OAS2: variants seen among roughly 807,000 people sequenced by gnomAD.
The protein encoded by OAS2 is 2'-5'-oligoadenylate synthase 2.
OAS2 carries 67 observed loss-of-function variants against 71.3 expected under a neutral mutation model. The ratio of observed to expected loss-of-function variants is 0.94; its 90% CI spans 0.77 to 1.15. The LOEUF is 1.15. OAS2 is among the 50% of genes most tolerant of loss of function. The pLI, the probability that OAS2 is intolerant of heterozygous loss-of-function variation, is 0.00. For missense variants in OAS2, 789 were observed against 822.5 expected (o/e 0.96, Z 0.50); for synonymous variants, 327 against 321.8 (o/e 1.02, Z -0.17).
At position 113,010,257 on chromosome 12, in the gene OAS2, T is replaced by C. The variant is rs1458023951; in HGVS notation, c.*1002T>C. 2 of 1,479,070 alleles carry C rather than the reference T, an allele frequency of 1.4e-6. No individual in the cohort carries two copies. The highest frequency in any genetic ancestry group is 2.8e-5 in the African/African-American group (2 of 70,604). 91.6% of individuals were successfully genotyped at this position (1,479,070 alleles called of 1,614,324 possible). A position where few individuals can be genotyped will look rare whatever the true frequency, so the allele number is the denominator to read the frequency against. The stretch of plus-strand genomic sequence containing the variant: ...ATTATAAATAAATACCAAAAAATTG[T>C]CTCTGGCAATAGTTACCTTCCCAGA... On this transcript the variant is annotated 3_prime_UTR_variant, in exon 10 of 10. Transcript: ENST00000392583.
intron 5 of OAS2, among the ~76,000 whole-genome samples, chr12:112,999,624 C>T (rs186362488): frequency 3.3e-5 from 5 of 152,288 alleles, no homozygotes; most frequent in East Asian, 3.9e-4. Flanking sequence ...AGGATCAGGA[C>T]GCTCTGAGCA....
chr12:112,997,816 T>G (rs2044249839), intron 4 of OAS2, 61 bp downstream of exon 4: 1 of 1,303,218 alleles, frequency 7.7e-7, no homozygotes. Flanking sequence ...GCATACCTCT[T>G]TGGAATGAGA....
At chr12:112,981,094 G>A (rs1298301) in intron 1 of OAS2, among the ~76,000 whole-genome samples, 24,303 of 152,016 alleles carry the variant, frequency 0.16, 2,417 homozygotes, top group East Asian at 0.41. Context: ...AGTTGTTCAC[G>A]TTCCTTGTAT....
intron 1 of OAS2, among the ~76,000 whole-genome samples, chr12:112,981,576 C>T (rs1053986837): frequency 6.6e-6 from 1 of 152,044 alleles, no homozygotes; most frequent in Non-Finnish European, 1.5e-5. Context: ...GTCTATATGT[C>T]TGTTTTTATA....
rs780629467 is a variant in OAS2, at chr12:113,005,076, C to G, written c.1322C>G (p.Ala441Gly). Residue 441 changes from alanine to glycine, a missense_variant, in exon 7 of 10, where the codon GCC (alanine) becomes GGC (glycine). Transcript: ENST00000392583. ...AAGGAAATCCATGAACAGCTGAAAG[C>G]CTTTTGGAGGGAGAAGGAGGAGGAG... ...IVKEIHEQLK[A>G]FWREKEEELE... The G allele has an allele frequency of 6.2e-7, 1 of 1,614,002 alleles. No individual in the cohort carries two copies. The highest frequency in any genetic ancestry group is 1.1e-5 in the South Asian group (1 of 91,082).
chr12:112,987,531 A>G (rs2044151011), intron 2 of OAS2: 1 of 1,412,444 alleles, frequency 7.1e-7, no homozygotes, highest in South Asian at 1.8e-5. Context: ...AATGTTCTGG[A>G]TTCTAGAATC....
At position 113,006,466 on chromosome 12, in the gene OAS2, G is replaced by C; in HGVS notation, c.1522G>C (p.Asp508His). ...PSPEVYAGLIDLYKSSDLPGG... is the reference protein window; with the variant it reads ...PSPEVYAGLIHLYKSSDLPGG... Reference sequence around the variant, plus strand: ...CCCCGAGGTTTATGCAGGGCTCATTGATCTGTATAAATCCTCGGACCTCCC... The same window carrying C: ...CCCCGAGGTTTATGCAGGGCTCATTCATCTGTATAAATCCTCGGACCTCCC... Residue 508 changes from aspartate (D) to histidine (H), a missense_variant, in exon 8 of 10, where the codon GAT becomes CAT. Transcript: ENST00000392583. 1 of 1,609,226 alleles carries C rather than the reference G, an allele frequency of 6.2e-7. No individual in the cohort carries two copies. The highest frequency in any genetic ancestry group is 8.5e-7 in the Non-Finnish European group (1 of 1,176,210).
At chr12:112,986,968 CCA>C (rs1191059541) in intron 1 of OAS2, 68 bp from the exon 2 acceptor site, 1 of 1,527,742 alleles carries the variant, frequency 6.5e-7, no homozygotes, top group Non-Finnish European at 8.8e-7. Flanking sequence ...TTGAGAAATA[CCA>C]CTGCCTGCTA....
chr12:113,000,983 A>G (rs1227575666), intron 5 of OAS2, among the ~76,000 whole-genome samples: 1 of 152,206 alleles, frequency 6.6e-6, no homozygotes, highest in Non-Finnish European at 1.5e-5. Context: ...CAATATTTGT[A>G]TAGAACAGTA....
In OAS2 at chr12:112,998,399, T is replaced by C; in HGVS notation, c.997T>C (p.Trp333Arg). The C allele has an allele frequency of 6.2e-7, 1 of 1,610,612 alleles. No homozygotes were observed. Among genetic ancestry groups the C allele is most frequent in the Non-Finnish European group, 8.5e-7 (1 of 1,179,122 alleles). ...GGATAATGAGTTACCTGCACCATCT[T>C]GGAATGTTCTGGTAAGAGGGTTTTC... ...NLDNELPAPS[W>R]NVLPAPLFTT... Residue 333 changes from tryptophan to arginine, a missense_variant, in exon 5 of 10, where the codon TGG becomes CGG. Transcript: ENST00000392583.
At chr12:113,002,853 GC>G in intron 5 of OAS2, 78 bp from the exon 6 acceptor site, 1 of 1,330,838 alleles carries the variant, frequency 7.5e-7, no homozygotes. Flanking sequence ...AGGGTAGGGG[GC>G]CCAGTACAGG....
chr12:112,988,590 T>C lies in OAS2; in HGVS notation c.448+1282T>C, dbSNP rs1194027969. ...GAAATTTTAGGCCAAACTTAAAATA[T>C]GTAAGGAGGCAGCTTTAGGCTAAAC... On this transcript the variant is annotated intron_variant, in intron 2 of 9. Coordinates refer to ENST00000392583, the MANE Select transcript of OAS2 (RefSeq NM_002535.3). The C allele has an allele frequency of 6.1e-6, 6 of 984,610 alleles. No individual in the cohort carries two copies. The African/African-American group carries it at 8.7e-5, about 14-fold the overall frequency. 61.0% of individuals were successfully genotyped at this position (984,610 alleles called of 1,614,324 possible). A position where few individuals can be genotyped will look rare whatever the true frequency, so the allele number is the denominator to read the frequency against.
chr12:113,006,134 T>A lies in OAS2; in HGVS notation c.1469-279T>A, dbSNP rs576437132. ...AATTTTTAATTTTCATTCCCTTTAA[T>A]GAATGTGAGTGCAAATGGCCACATT... On this transcript the variant is annotated intron_variant, in intron 7 of 9. Transcript: ENST00000392583. 4.6e-5 allele frequency among the ~76,000 whole-genome samples: 7 copies of A among 152,244 alleles called. No homozygotes were observed. The South Asian group carries it at 1.5e-3, about 32-fold the overall frequency.
chr12:112,997,877 C>G (rs2136387824), intron 4 of OAS2, 122 bp downstream of exon 4: 1 of 807,818 alleles, frequency 1.2e-6, no homozygotes, highest in Middle Eastern at 3.7e-4. Flanking sequence ...ATGGCAGCCA[C>G]CATGGGTGGG....
At position 113,011,118 on chromosome 12, in the gene OAS2, G is replaced by T. The variant is rs2044377559; in HGVS notation, c.*1863G>T. The T allele has an allele frequency of 6.6e-6, 1 of 152,196 alleles. No homozygotes were observed. The highest frequency in any genetic ancestry group is 6.5e-5 in the Admixed American group (1 of 15,268). 9.4% of individuals were successfully genotyped at this position (152,196 alleles called of 1,614,324 possible). A position where few individuals can be genotyped will look rare whatever the true frequency, so the allele number is the denominator to read the frequency against. On this transcript the variant is annotated 3_prime_UTR_variant, in exon 10 of 10. Transcript: ENST00000392583. Reference sequence around the variant, plus strand: ...TTTTTCCTTGGGCTTTAGCCTTAAAGATACTTGAAGGTCTAGGTGCTTTAA... The same window carrying T: ...TTTTTCCTTGGGCTTTAGCCTTAAATATACTTGAAGGTCTAGGTGCTTTAA...
intron 2 of OAS2, among the ~76,000 whole-genome samples, chr12:112,992,652 C>T (rs764278183): frequency 1.3e-5 from 2 of 152,158 alleles, no homozygotes; most frequent in African/African-American, 4.8e-5. Flanking sequence ...CCTGATAACT[C>T]ACATTCACAG....
At chr12:113,005,320 C>CA in intron 7 of OAS2, 98 bp downstream of exon 7, 2 of 1,218,222 alleles carry the variant, frequency 1.6e-6, no homozygotes, top group Admixed American at 4.3e-5. Flanking sequence ...ATGTGCCACT[C>CA]ATGGGTCCCT....
chr12:112,986,550 G>A (rs1565990224), intron 1 of OAS2, among the ~76,000 whole-genome samples: 3 of 152,214 alleles, frequency 2.0e-5, no homozygotes, highest in African/African-American at 7.2e-5. Flanking sequence ...TCTGGATGGT[G>A]TGTGCCTGTG....
chr12:113,005,086 G>T lies in OAS2; in HGVS notation c.1332G>T (p.Arg444Ser). Residue 444 changes from arginine (R) to serine (S), a missense_variant, in exon 7 of 10, where the codon AGG (arginine) becomes AGT (serine). Transcript: ENST00000392583. ...EIHEQLKAFW[R>S]EKEEELEVSF... The stretch of plus-strand genomic sequence containing the variant: ...ATGAACAGCTGAAAGCCTTTTGGAG[G>T]GAGAAGGAGGAGGAGCTTGAAGTCA... 6.2e-7 allele frequency: 1 copy of T among 1,614,168 alleles called. No individual in the cohort carries two copies. Among genetic ancestry groups the T allele is most frequent in the Non-Finnish European group, 8.5e-7 (1 of 1,180,030 alleles).
Sources: allele counts gnomAD v4.1 joint callset (sites outside exome capture counted in the v4.1 genomes callset), GRCh38; gene constraint gnomAD v4.1.1; transcripts MANE v1.5; gene names NCBI Gene and HGNC (gene_info 2026-07-23, HGNC 2026-07-21).